The following GABRG3 variants were observed in gnomAD, a reference collection of about 807,000 sequenced individuals.
The protein encoded by GABRG3 is gamma-aminobutyric acid type A receptor subunit gamma3.
Under a neutral mutation model 48.8 loss-of-function variants are expected in GABRG3, and 25 were observed. That is an observed-to-expected ratio of 0.51 (90% CI 0.37 to 0.72). The LOEUF (loss-of-function observed/expected upper bound fraction) is 0.72, where lower values mean the gene tolerates loss of function less well. GABRG3 is among the 30% of genes least tolerant of loss of function. The pLI, the probability that GABRG3 is intolerant of heterozygous loss-of-function variation, is 0.00. For missense variants in GABRG3, 394 were observed against 577.9 expected (o/e 0.68, Z 3.26); for synonymous variants, 227 against 217.6 (o/e 1.04, Z -0.38).
intron 5 of GABRG3, among the ~76,000 whole-genome samples, chr15:27,405,318 A>T (rs1162275874): frequency 6.6e-6 from 1 of 152,230 alleles, no homozygotes; most frequent in Non-Finnish European, 1.5e-5. Flanking sequence ...GTAGATAATG[A>T]TATGTTGCTC....
At chr15:27,143,993 C>T (rs1898152509) in intron 3 of GABRG3, among the ~76,000 whole-genome samples, 1 of 152,112 alleles carries the variant, frequency 6.6e-6, no homozygotes. Context: ...TTTAACACAA[C>T]CCAGATTGCC....
At chr15:27,189,870 G>A (rs943358726) in intron 3 of GABRG3, among the ~76,000 whole-genome samples, 2 of 152,006 alleles carry the variant, frequency 1.3e-5, no homozygotes, top group African/African-American at 4.8e-5. Context: ...GTTTGTCATA[G>A]ATAGCTCTTA....
At chr15:27,250,279 G>A (rs1890412762) in intron 3 of GABRG3, among the ~76,000 whole-genome samples, 1 of 152,172 alleles carries the variant, frequency 6.6e-6, no homozygotes, top group Non-Finnish European at 1.5e-5. Flanking sequence ...CCAGACCCAT[G>A]CTGTCCAGCG....
At chr15:27,303,842 A>G (rs968253966) in intron 3 of GABRG3, among the ~76,000 whole-genome samples, 2 of 151,448 alleles carry the variant, frequency 1.3e-5, no homozygotes, top group Non-Finnish European at 3.0e-5. Context: ...ACAAATACAA[A>G]CTATATTAAC....
At chr15:27,299,632 A>G (rs988684723) in intron 3 of GABRG3, among the ~76,000 whole-genome samples, 10 of 152,122 alleles carry the variant, frequency 6.6e-5, no homozygotes, top group African/African-American at 2.4e-4. Context: ...TTGAGTCCCC[A>G]GGGAATCAAT....
At chr15:27,380,009 AT>A (rs1895718205) in intron 5 of GABRG3, among the ~76,000 whole-genome samples, 1 of 149,410 alleles carries the variant, frequency 6.7e-6, no homozygotes, top group Admixed American at 6.7e-5. Flanking sequence ...TACTTCTGGT[AT>A]TCCCATTTGT....
intron 3 of GABRG3, among the ~76,000 whole-genome samples, chr15:27,085,015 A>G (rs1019734844): frequency 6.6e-6 from 1 of 152,232 alleles, no homozygotes; most frequent in African/African-American, 2.4e-5. Context: ...AATTCATAGA[A>G]GTGACTTTTG....
intron 5 of GABRG3, among the ~76,000 whole-genome samples, chr15:27,430,658 GTT>G (rs1182713528): frequency 6.6e-6 from 1 of 152,098 alleles, no homozygotes; most frequent in Non-Finnish European, 1.5e-5. Context: ...AATGACTACT[GTT>G]TTGCCCAATT....
At chr15:27,392,869 A>C (rs1887179090) in intron 5 of GABRG3, among the ~76,000 whole-genome samples, 1 of 152,222 alleles carries the variant, frequency 6.6e-6, no homozygotes, top group Non-Finnish European at 1.5e-5. Flanking sequence ...CATTGGGAGC[A>C]CATTCTGTTA....
At chr15:27,184,866 G>A (rs910493634) in intron 3 of GABRG3, among the ~76,000 whole-genome samples, 2 of 152,078 alleles carry the variant, frequency 1.3e-5, no homozygotes, top group Non-Finnish European at 2.9e-5. Flanking sequence ...TAATGGCTGC[G>A]AGAGGTGTAG....
intron 3 of GABRG3, among the ~76,000 whole-genome samples, chr15:27,120,332 T>A (rs775494579): frequency 6.6e-6 from 1 of 152,228 alleles, no homozygotes; most frequent in Admixed American, 6.5e-5. Context: ...CTTGCATGCA[T>A]AGGTGCTTTT....
intron 5 of GABRG3, among the ~76,000 whole-genome samples, chr15:27,445,868 C>A (rs1888928537): frequency 6.6e-6 from 1 of 152,050 alleles, no homozygotes; most frequent in African/African-American, 2.4e-5. Context: ...ATGTGGATAT[C>A]CAATTGTGCC....
At chr15:27,207,194 C>CA (rs112246872) in intron 3 of GABRG3, among the ~76,000 whole-genome samples, 1,700 of 152,226 alleles carry the variant, frequency 0.011, 24 homozygotes, top group African/African-American at 0.039. Context: ...AGAAATAAAG[C>CA]ACTTAGCACG....
chr15:27,345,918 G>A (rs1195326534), intron 5 of GABRG3, among the ~76,000 whole-genome samples: 1 of 151,920 alleles, frequency 6.6e-6, no homozygotes, highest in Non-Finnish European at 1.5e-5. Context: ...GCAGGGCATG[G>A]TGGCACACTC....
intron 3 of GABRG3, among the ~76,000 whole-genome samples, chr15:27,205,919 C>T (rs1888837744): frequency 6.6e-6 from 1 of 151,854 alleles, no homozygotes; most frequent in Non-Finnish European, 1.5e-5. Context: ...GGTAATGTCT[C>T]CTTTGTCATT....
chr15:27,226,663 C>T (rs1889629897), intron 3 of GABRG3, among the ~76,000 whole-genome samples: 2 of 152,240 alleles, frequency 1.3e-5, no homozygotes, highest in African/African-American at 2.4e-5. Context: ...GGGCAGTTGG[C>T]TGCCATTTTC....
At chr15:27,414,951 A>T (rs1166258065) in intron 5 of GABRG3, among the ~76,000 whole-genome samples, 1 of 151,942 alleles carries the variant, frequency 6.6e-6, no homozygotes, top group African/African-American at 2.4e-5. Context: ...TGTGAAAGTG[A>T]TCTGTTCAGG....
intron 3 of GABRG3, among the ~76,000 whole-genome samples, chr15:27,298,337 A>G (rs1246087232): frequency 6.6e-6 from 1 of 152,146 alleles, no homozygotes; most frequent in Non-Finnish European, 1.5e-5. Flanking sequence ...TTTTGCCAAA[A>G]TCAAGGACGT....
At chr15:27,301,619 AGT>A (rs149989748) in intron 3 of GABRG3, among the ~76,000 whole-genome samples, 12 of 151,824 alleles carry the variant, frequency 7.9e-5, no homozygotes, top group African/African-American at 1.9e-4. Context: ...TATGTGTGTG[AGT>A]GTGTGTGTGT....
Sources: gnomAD v4.1 joint callset for allele counts (sites outside exome capture counted in the v4.1 genomes callset) on GRCh38, gnomAD v4.1.1 for gene constraint, MANE v1.5 for transcripts, NCBI Gene and HGNC (gene_info 2026-07-23, HGNC 2026-07-21) for gene names.